Variants in GRIA1 observed in about 807,000 individuals in gnomAD.
GRIA1 encodes glutamate ionotropic receptor AMPA type subunit 1.
In GRIA1, 31 loss-of-function variants were observed where a neutral mutation model predicts 99.2. The ratio of observed to expected loss-of-function variants is 0.31; its 90% CI spans 0.23 to 0.42. The LOEUF is 0.42. Among genes scored for constraint, GRIA1 ranks in the 10% least tolerant of loss-of-function variants. GRIA1 has a pLI of 1.00. For missense variants in GRIA1, 782 were observed against 1,157.5 expected, an observed-to-expected ratio of 0.68 and a Z score of 4.71; for synonymous variants, 438 against 432.4, an observed-to-expected ratio of 1.01 and a Z score of -0.16.
chr5:153,759,306 G>A (rs565782450), intron 11 of GRIA1, among the ~76,000 whole-genome samples: 6 of 151,554 alleles, frequency 4.0e-5, no homozygotes, highest in East Asian at 3.9e-4. Context: ...TAAAACTGAC[G>A]AACCTTTAGC....
intron 2 of GRIA1, among the ~76,000 whole-genome samples, chr5:153,645,333 T>G (rs1754067133): frequency 6.6e-6 from 1 of 152,180 alleles, no homozygotes; most frequent in Non-Finnish European, 1.5e-5. Flanking sequence ...GCTGCAATCT[T>G]TAAGAGATTA....
At chr5:153,556,430 T>G (rs1215687147) in intron 2 of GRIA1, among the ~76,000 whole-genome samples, 1 of 152,170 alleles carries the variant, frequency 6.6e-6, no homozygotes, top group Non-Finnish European at 1.5e-5. Context: ...GCCTTTATAA[T>G]CTATTGAGAA....
intron 1 of GRIA1, chr5:153,492,400 T>G (rs1006229269): frequency 1.5e-5 from 17 of 1,169,400 alleles, no homozygotes; most frequent in Admixed American, 5.5e-5. Context: ...AGCCTTCTAC[T>G]CCTCAACCTC....
At position 153,705,793 on chromosome 5, in the gene GRIA1, A is replaced by C. The variant is rs1417567802; in HGVS notation, c.1549A>C (p.Met517Leu). The change falls in exon 11 of 16, where the codon ATG becomes CTG. Residue 517 changes from methionine (M) to leucine (L), a missense_variant. Coordinates refer to ENST00000285900, the MANE Select transcript of GRIA1 (RefSeq NM_000827.4). ...ATTTATGAGTTTGGGGATCTCCATC[A>C]TGATTAAAAAACCACAGAAATCCAA... is the stretch of plus-strand genomic sequence containing the variant. ...KPFMSLGISI[M>L]IKKPQKSKPG... 6.2e-7 allele frequency: 1 copy of C among 1,611,014 alleles called. No homozygotes were observed. The highest frequency in any genetic ancestry group is 8.5e-7 in the Non-Finnish European group (1 of 1,179,712).
chr5:153,760,308 C>T (rs1250533769), intron 11 of GRIA1, among the ~76,000 whole-genome samples: 1 of 151,886 alleles, frequency 6.6e-6, no homozygotes, highest in Non-Finnish European at 1.5e-5. Flanking sequence ...AGAAACCCTC[C>T]AAAAAGCTAA....
At position 153,544,091 on chromosome 5, in the gene GRIA1, T is replaced by C. The variant is rs945505440; in HGVS notation, c.220+50026T>C. On this transcript the variant is annotated intron_variant, in intron 2 of 15. Coordinates refer to ENST00000285900, the MANE Select transcript of GRIA1 (RefSeq NM_000827.4). ...AGTCACACAGAATCTGGGAAAAAAGTGTTTTATATCCCACAGGGGAGTTTA... is the reference window on the plus strand; with the variant it reads ...AGTCACACAGAATCTGGGAAAAAAGCGTTTTATATCCCACAGGGGAGTTTA... Among the ~76,000 whole-genome samples the C allele has an allele frequency of 3.9e-4, 59 of 152,074 alleles. 1 individual carries two copies. Among genetic ancestry groups the C allele is most frequent in the Non-Finnish European group, 5.9e-5 (4 of 68,008 alleles).
At chr5:153,498,728 A>G (rs1754678303) in intron 2 of GRIA1, among the ~76,000 whole-genome samples, 1 of 152,124 alleles carries the variant, frequency 6.6e-6, no homozygotes, top group African/African-American at 2.4e-5. Context: ...GATTTCTGGC[A>G]TCTTTAAAAA....
At chr5:153,646,802 T>C (rs2149453092) in intron 2 of GRIA1, 126 bp from the exon 3 acceptor site, 4 of 999,852 alleles carry the variant, frequency 4.0e-6, no homozygotes, top group South Asian at 3.1e-5. Flanking sequence ...GATGGGTAGA[T>C]GGATAGATGA....
In GRIA1 at chr5:153,699,021, G is replaced by A; in HGVS notation, c.1400G>A (p.Arg467Gln). Residue 467 changes from arginine to glutamine, a missense_variant, in exon 10 of 16, where the codon CGA becomes CAA. This residue lies in a region of GRIA1 where 87 missense variants were observed against 184.5 expected (regional missense o/e 0.47). Coordinates refer to ENST00000285900, the MANE Select transcript of GRIA1 (RefSeq NM_000827.4). ...EIVSDGKYGA[R>Q]DPDTKAWNGM... is the part of the protein sequence containing the mutation. ...GTCAGTGATGGAAAATACGGAGCCC[G>A]AGACCCTGACACGAAGGCCTGGAAT... 6 of 1,614,056 alleles carry A rather than the reference G, an allele frequency of 3.7e-6. No individual in the cohort carries two copies. Among genetic ancestry groups the A allele is most frequent in the South Asian group, 3.3e-5 (3 of 91,080 alleles).
intron 13 of GRIA1, among the ~76,000 whole-genome samples, chr5:153,777,624 A>AT (rs959830279): frequency 6.6e-6 from 1 of 151,924 alleles, no homozygotes; most frequent in Non-Finnish European, 1.5e-5. Context: ...CAAAGAACTT[A>AT]TTTTTTTCTT....
Position 153,535,275 on chromosome 5 carries a change from A to C in GRIA1, c.220+41210A>C, listed in dbSNP as rs2113457355. On this transcript the variant is annotated intron_variant, in intron 2 of 15. Transcript: ENST00000285900. ...AGGATAAGGTGGGTAAATAGATGTGAACGTGCCATGTAAATTTAGAATGTC... is the reference window on the plus strand; with the variant it reads ...AGGATAAGGTGGGTAAATAGATGTGCACGTGCCATGTAAATTTAGAATGTC... Among the ~76,000 whole-genome samples the C allele has an allele frequency of 1.3e-5, 2 of 152,316 alleles. 1 individual carries two copies. The highest frequency in any genetic ancestry group is 4.8e-5 in the African/African-American group (2 of 41,584).
chr5:153,548,835 G>A (rs1759850414), intron 2 of GRIA1, among the ~76,000 whole-genome samples: 1 of 151,894 alleles, frequency 6.6e-6, no homozygotes, highest in Non-Finnish European at 1.5e-5. Flanking sequence ...TCTAAGACTG[G>A]GATTATGGTG....
chr5:153,764,608 A>G lies in GRIA1; in HGVS notation c.1998A>G (p.Ala666=). The change falls in exon 12 of 16, where the codon GCA becomes GCG. Residue 666 remains alanine, a synonymous_variant. Transcript: ENST00000285900. ...QTEIAYGTLE[A]GSTKEFFRRS... is the part of the protein sequence containing the mutation. ...AAATTGCCTACGGGACGCTGGAAGC[A>G]GGATCTACTAAGGAGTTCTTCAGGG... 2.5e-6 allele frequency: 4 copies of G among 1,613,862 alleles called. No homozygotes were observed. Among genetic ancestry groups the G allele is most frequent in the Non-Finnish European group, 3.4e-6 (4 of 1,179,754 alleles).
At chr5:153,790,929 TA>T (rs1344346225) in intron 13 of GRIA1, among the ~76,000 whole-genome samples, 1 of 152,170 alleles carries the variant, frequency 6.6e-6, no homozygotes, top group African/African-American at 2.4e-5. Context: ...ATAAAGGAAA[TA>T]TTTTTTAATC....
intron 13 of GRIA1, among the ~76,000 whole-genome samples, chr5:153,771,268 C>T (rs1256284078): frequency 6.6e-6 from 1 of 152,128 alleles, no homozygotes; most frequent in African/African-American, 2.4e-5. Flanking sequence ...ACCTATGAGA[C>T]ATTATGTCAA....
intron 11 of GRIA1, among the ~76,000 whole-genome samples, chr5:153,724,183 G>A (rs1029629338): frequency 6.7e-6 from 1 of 149,534 alleles, no homozygotes; most frequent in Non-Finnish European, 1.5e-5. Flanking sequence ...GCAGCTGAGG[G>A]TCCTGTCTCT....
intron 7 of GRIA1, among the ~76,000 whole-genome samples, chr5:153,683,396 A>G (rs1757121945): frequency 6.6e-6 from 1 of 152,052 alleles, no homozygotes; most frequent in Non-Finnish European, 1.5e-5. Flanking sequence ...TGACCTCTCA[A>G]TGACTTACTG....
chr5:153,721,410 A>G (rs745864110), intron 11 of GRIA1, among the ~76,000 whole-genome samples: 1 of 152,200 alleles, frequency 6.6e-6, no homozygotes, highest in Non-Finnish European at 1.5e-5. Context: ...ATAAATATAC[A>G]GCCCAACTAA....
intron 11 of GRIA1, among the ~76,000 whole-genome samples, chr5:153,727,598 A>T (rs1442852636): frequency 6.6e-6 from 1 of 152,220 alleles, no homozygotes. Context: ...AATAACAGGC[A>T]AACAGAGAGC....
Sources: allele counts gnomAD v4.1 joint callset (sites outside exome capture counted in the v4.1 genomes callset), GRCh38; gene constraint gnomAD v4.1.1; regional missense constraint gnomAD v4.1.1; transcripts MANE v1.5; gene names NCBI Gene and HGNC (gene_info 2026-07-23, HGNC 2026-07-21).